Variants in SMARCD1 observed in about 807,000 individuals in gnomAD.
The protein encoded by SMARCD1 is SWI/SNF-related matrix-associated actin-dependent regulator of chromatin subfamily D member 1.
SMARCD1 carries 16 observed loss-of-function variants against 70.8 expected under a neutral mutation model. That is an observed-to-expected ratio of 0.23 (90% CI 0.15 to 0.34). SMARCD1 has a LOEUF of 0.34. SMARCD1 is among the 10% of genes least tolerant of loss of function. SMARCD1 has a pLI of 1.00. For synonymous variants in SMARCD1, 249 were observed against 246.0 expected, an observed-to-expected ratio of 1.01 and a Z score of -0.11; for missense variants, 409 against 655.5, an observed-to-expected ratio of 0.62 and a Z score of 4.11.
chr12:50,096,263 A>C (rs1322686634), intron 10 of SMARCD1, among the ~76,000 whole-genome samples: 2 of 152,176 alleles, frequency 1.3e-5, no homozygotes, highest in African/African-American at 2.4e-5. Flanking sequence ...GGTGGACAGT[A>C]GTATTTACTA....
intron 9 of SMARCD1, among the ~76,000 whole-genome samples, chr12:50,093,163 A>G (rs1950862012): frequency 1.3e-5 from 2 of 151,952 alleles, no homozygotes; most frequent in African/African-American, 4.8e-5. Context: ...ACAACAGAGC[A>G]AGACTCCATC....
chr12:50,099,094 C>A lies in SMARCD1; in HGVS notation c.*94C>A. 1 of 1,168,722 alleles carries A rather than the reference C, an allele frequency of 8.6e-7. No individual in the cohort carries two copies. Among genetic ancestry groups the A allele is most frequent in the South Asian group, 1.2e-5 (1 of 81,122 alleles). 72.4% of individuals were successfully genotyped at this position (1,168,722 alleles called of 1,614,324 possible). On this transcript the variant is annotated 3_prime_UTR_variant, in exon 13 of 13. Transcript: ENST00000394963. Reference sequence around the variant, plus strand: ...GTATCTGCCTTGGTCTTGCTTGGGGCGTTCCAGGGGATGCTGTTGGTTCAA... The same window carrying A: ...GTATCTGCCTTGGTCTTGCTTGGGGAGTTCCAGGGGATGCTGTTGGTTCAA...
At chr12:50,095,758 A>C (rs925787832) in intron 10 of SMARCD1, among the ~76,000 whole-genome samples, 5 of 152,224 alleles carry the variant, frequency 3.3e-5, no homozygotes, top group African/African-American at 7.2e-5. Context: ...GAAGAGAGAG[A>C]GAGCCTGGTG....
In SMARCD1 at chr12:50,095,579, G is replaced by A. The variant is rs533670027; in HGVS notation, c.1269+1007G>A. On this transcript the variant is annotated intron_variant, in intron 10 of 12. Transcript: ENST00000394963. Reference sequence around the variant, plus strand: ...TGACCTCAGGTGATCCACCCGCTTCGGCCTCCCAAAGTGCTGGGATCACAG... The same window carrying A: ...TGACCTCAGGTGATCCACCCGCTTCAGCCTCCCAAAGTGCTGGGATCACAG... Among the ~76,000 whole-genome samples the A allele has an allele frequency of 2.7e-4, 41 of 151,604 alleles. No homozygotes were observed. In the South Asian group the frequency reaches 3.8e-3, roughly 14 times the overall value.
chr12:50,088,720 GGGAGGTATAAA>G, intron 6 of SMARCD1, 83 bp downstream of exon 6: 1 of 755,232 alleles, frequency 1.3e-6, no homozygotes, highest in Non-Finnish European at 2.3e-6. Flanking sequence ...TAAGGAGATG[GGGAGGTATAAA>G]GTAGTCACTC....
rs558397503 is a variant in SMARCD1 at position 50,085,946 on chromosome 12, G to C, written c.178-215G>C. ...TGTCCGATGTGTCCCATCCAAAATA[G>C]ACTGAGAATTTGAGTATAATCTGGC... is the stretch of plus-strand genomic sequence containing the variant. On this transcript the variant is annotated intron_variant, in intron 1 of 12. Transcript: ENST00000394963. 8 of 413,806 alleles carry C rather than the reference G, an allele frequency of 1.9e-5. No homozygotes were observed. The East Asian group carries it at 2.8e-4, about 14-fold the overall frequency. The allele number at this position is 413,806 out of a possible 1,614,324, so 25.6% of individuals were successfully genotyped here.
intron 9 of SMARCD1, among the ~76,000 whole-genome samples, chr12:50,092,235 C>CTTTTTTTTTTTTTTTTTTTTTTATTTT (rs60619880): frequency 1.1e-5 from 1 of 91,156 alleles, no homozygotes; most frequent in African/African-American, 4.4e-5. Flanking sequence ...TTCTTTCTTT[C>CTTTTTTTTTTTTTTTTTTTTTTATTTT]TTTTTTTTTT....
At chr12:50,088,258 A>G in intron 5 of SMARCD1, 1 of 702,458 alleles carries the variant, frequency 1.4e-6, no homozygotes, top group Non-Finnish European at 2.6e-6. Context: ...GGTTTGCTTA[A>G]CTTGCCTCAT....
At chr12:50,096,598 A>G (rs1387832269) in intron 10 of SMARCD1, 1 of 404,802 alleles carries the variant, frequency 2.5e-6, no homozygotes, top group African/African-American at 2.0e-5. Flanking sequence ...AGCTTTGCCC[A>G]TAGTGGGCAA....
chr12:50,095,599 TCACAGGC>T (rs573694624), intron 10 of SMARCD1, among the ~76,000 whole-genome samples: 2,531 of 152,292 alleles, frequency 0.017, 35 homozygotes, highest in Non-Finnish European at 0.024. Flanking sequence ...AGTGCTGGGA[TCACAGGC>T]GTGAGCCACC....
chr12:50,097,058 A>G, intron 11 of SMARCD1, 86 bp downstream of exon 11: 1 of 1,357,546 alleles, frequency 7.4e-7, no homozygotes, highest in Non-Finnish European at 9.9e-7. Flanking sequence ...TAGGAGACCC[A>G]GAGGAAGGAG....
intron 6 of SMARCD1, 35 bp downstream of exon 6, chr12:50,088,672 T>G (rs781381205): frequency 1.7e-6 from 2 of 1,188,576 alleles, no homozygotes; most frequent in Non-Finnish European, 2.5e-6. Flanking sequence ...TTGACTCTGA[T>G]TGGAGGATGA....
chr12:50,093,818 C>CT (rs1297747358), intron 9 of SMARCD1, among the ~76,000 whole-genome samples: 1 of 152,004 alleles, frequency 6.6e-6, no homozygotes, highest in Non-Finnish European at 1.5e-5. Context: ...CTCACTCTGT[C>CT]ACCCAGGCTG....
rs1950874603 is a variant in SMARCD1 at position 50,094,533 on chromosome 12, C to A, written c.1230C>A (p.Ser410=). ...LKTQMNSFLL[S]TASQQEIATL... is the part of the protein sequence containing the mutation. ...CCCAGATGAATTCTTTTCTGCTGTC[C>A]ACTGCCAGCCAACAGGAGATTGCTA... The change falls in exon 10 of 13, where the codon TCC becomes TCA. Residue 410 remains serine, a synonymous_variant. Coordinates refer to ENST00000394963, the MANE Select transcript of SMARCD1 (RefSeq NM_003076.5). 1 of 1,614,052 alleles carries A rather than the reference C, an allele frequency of 6.2e-7. No homozygotes were observed.
chr12:50,096,049 A>G (rs2137900686), intron 10 of SMARCD1, among the ~76,000 whole-genome samples: 1 of 152,310 alleles, frequency 6.6e-6, no homozygotes, highest in African/African-American at 2.4e-5. Context: ...GGAGGCAGGA[A>G]GCCCAGTTAG....
intron 7 of SMARCD1, 76 bp from the exon 8 acceptor site, chr12:50,090,165 G>T: frequency 6.9e-7 from 1 of 1,452,920 alleles, no homozygotes; most frequent in Non-Finnish European, 9.4e-7. Flanking sequence ...TACATTATTT[G>T]TTGAATAGCT....
rs985342530 is a variant in SMARCD1, at chr12:50,085,528, G to T, written c.159G>T (p.Met53Ile). 6.5e-6 allele frequency: 8 copies of T among 1,234,572 alleles called. No individual in the cohort carries two copies. Among genetic ancestry groups the T allele is most frequent in the African/African-American group, 1.6e-5 (1 of 64,296 alleles). 76.5% of individuals were successfully genotyped at this position (1,234,572 alleles called of 1,614,324 possible). A position where few individuals can be genotyped will look rare whatever the true frequency, so the allele number is the denominator to read the frequency against. ...GTCAAGGGCTGTACCGCTCCCCGAT[G>T]CCCGGAGCGGCCTATCCGGTGAGTG... is the stretch of plus-strand genomic sequence containing the variant. Reference protein sequence around the residue: ...APGQGLYRSPMPGAAYPRPGM... With the variant: ...APGQGLYRSPIPGAAYPRPGM... The change falls in exon 1 of 13, where the codon ATG (methionine) becomes ATT (isoleucine). Residue 53 changes from methionine to isoleucine, a missense_variant. Around this residue, in one of 2 missense-constraint regions of SMARCD1, gnomAD observed 140 missense variants for 156.9 expected, o/e 0.89. Coordinates refer to ENST00000394963, the MANE Select transcript of SMARCD1 (RefSeq NM_003076.5).
chr12:50,092,554 C>G (rs933728519), intron 9 of SMARCD1, among the ~76,000 whole-genome samples: 3 of 147,766 alleles, frequency 2.0e-5, no homozygotes, highest in African/African-American at 7.5e-5. Context: ...TGACCCTGAA[C>G]CTACAAGATG....
In SMARCD1 at chr12:50,094,434, C is replaced by T; in HGVS notation, c.1134-3C>T. 6.2e-7 allele frequency: 1 copy of T among 1,613,470 alleles called. No individual in the cohort carries two copies. Among genetic ancestry groups the T allele is most frequent in the Non-Finnish European group, 8.5e-7 (1 of 1,179,688 alleles). On this transcript the variant is annotated splice_region_variant and splice_polypyrimidine_tract_variant and intron_variant, in intron 9 of 12. Coordinates refer to ENST00000394963, the MANE Select transcript of SMARCD1 (RefSeq NM_003076.5). Reference sequence around the variant, plus strand: ...TACCAGGCTCCTTTGGTTTCCTGTCCAGTGTTGACCCGAATGATCAGAAAA... The same window carrying T: ...TACCAGGCTCCTTTGGTTTCCTGTCTAGTGTTGACCCGAATGATCAGAAAA...
Sources: allele counts gnomAD v4.1 joint callset (sites outside exome capture counted in the v4.1 genomes callset), GRCh38; gene constraint gnomAD v4.1.1; regional missense constraint gnomAD v4.1.1; transcripts MANE v1.5; gene names NCBI Gene and HGNC (gene_info 2026-07-23, HGNC 2026-07-21).